Variants in SLC11A2 observed in about 807,000 individuals in gnomAD.
SLC11A2 encodes the protein solute carrier family 11 member 2, also known as natural resistance-associated macrophage protein 2.
SLC11A2 carries 38 observed loss-of-function variants against 68.0 expected under a neutral mutation model. That is an observed-to-expected ratio of 0.56 (90% CI 0.43 to 0.73). The LOEUF (loss-of-function observed/expected upper bound fraction) is 0.73. SLC11A2 is among the 30% of genes least tolerant of loss of function. SLC11A2 has a pLI of 0.00. For synonymous variants in SLC11A2, 242 were observed against 250.6 expected, an observed-to-expected ratio of 0.97 and a Z score of 0.32; for missense variants, 517 against 690.5, an observed-to-expected ratio of 0.75 and a Z score of 2.82.
chr12:51,006,103 G>A, intron 3 of SLC11A2: 1 of 190,884 alleles, frequency 5.2e-6, no homozygotes, highest in Non-Finnish European at 1.1e-5. Flanking sequence ...AGACCAGTCT[G>A]ACCAACACTT....
At chr12:51,011,418 G>A (rs1249172056) in intron 1 of SLC11A2, among the ~76,000 whole-genome samples, 1 of 151,486 alleles carries the variant, frequency 6.6e-6, no homozygotes, top group Non-Finnish European at 1.5e-5. Flanking sequence ...ATGAGCCAAC[G>A]CACCTGGCCA....
At chr12:51,010,559 G>A in intron 2 of SLC11A2, 136 bp downstream of exon 2, 2 of 564,438 alleles carry the variant, frequency 3.5e-6, no homozygotes, top group East Asian at 3.1e-5. Context: ...TAAGTCACCA[G>A]ATGGTGACTT....
chr12:51,027,606 T>C (rs1944443106), upstream of SLC11A2, among the ~76,000 whole-genome samples: 1 of 152,136 alleles, frequency 6.6e-6, no homozygotes, highest in African/African-American at 2.4e-5. Context: ...CCTCACACCG[T>C]ATCTTTTGCT....
chr12:50,998,489 C>T (rs184337803), intron 8 of SLC11A2, among the ~76,000 whole-genome samples: 201 of 152,294 alleles, frequency 1.3e-3, no homozygotes, highest in Admixed American at 1.6e-3. Context: ...GCCACTAGTA[C>T]GTGTGTAATG....
intron 1 of SLC11A2, among the ~76,000 whole-genome samples, chr12:51,012,720 T>C (rs1241698536): frequency 6.6e-6 from 1 of 152,218 alleles, no homozygotes; most frequent in Non-Finnish European, 1.5e-5. Flanking sequence ...CCTGCTAATT[T>C]GGAAAACATA....
intron 1 of SLC11A2, chr12:51,024,560 A>T (rs1241640973): frequency 6.5e-6 from 1 of 152,844 alleles, no homozygotes; most frequent in Non-Finnish European, 1.5e-5. Flanking sequence ...CTGAGGCAGG[A>T]GAATCGCTTG....
At chr12:51,005,561 A>G in intron 3 of SLC11A2, 125 bp from the exon 4 acceptor site, 1 of 1,529,534 alleles carries the variant, frequency 6.5e-7, no homozygotes, top group Non-Finnish European at 8.8e-7. Flanking sequence ...ACAATGTCAG[A>G]TATTGCATGT....
chr12:50,961,102 G>C, the SLC11A2 span: 17 of 1,613,650 alleles, frequency 1.1e-5, no homozygotes, highest in Non-Finnish European at 1.4e-5. Flanking sequence ...TGTGACTCTA[G>C]GTAACCCGCT....
the SLC11A2 span, among the ~76,000 whole-genome samples, chr12:50,964,212 T>C: frequency 2.0e-5 from 3 of 152,352 alleles, no homozygotes; most frequent in East Asian, 3.9e-4. Flanking sequence ...CACTCCTAAA[T>C]ATCACAGTCT....
the SLC11A2 span, chr12:50,961,078 T>C: frequency 6.2e-7 from 1 of 1,613,824 alleles, no homozygotes; most frequent in East Asian, 2.2e-5. Context: ...TGCCCAAGGA[T>C]TTGTTGTTGG....
intron 5 of SLC11A2, among the ~76,000 whole-genome samples, chr12:51,003,788 T>A (rs1942484655): frequency 6.6e-6 from 1 of 150,534 alleles, no homozygotes; most frequent in Non-Finnish European, 1.5e-5. Context: ...AAAAAAATTT[T>A]AATTAGCTGG....
rs2136163433 is a variant in SLC11A2 at position 50,988,048 on chromosome 12, T to A, written c.*277A>T. 7.2e-7 allele frequency: 1 copy of A among 1,393,678 alleles called. No homozygotes were observed. 86.3% of individuals were successfully genotyped at this position (1,393,678 alleles called of 1,614,324 possible). A position where few individuals can be genotyped will look rare whatever the true frequency, so the allele number is the denominator to read the frequency against. On this transcript the variant is annotated 3_prime_UTR_variant, in exon 16 of 16. Transcript: ENST00000262052. Reference sequence around the variant, plus strand: ...TGTCTCTCCGAAGGATAAACTGAGCTGGCCCTTGGGCAACTACTTAAGAAT... The same window carrying A: ...TGTCTCTCCGAAGGATAAACTGAGCAGGCCCTTGGGCAACTACTTAAGAAT...
rs17216030 is a variant in SLC11A2 at position 50,994,655 on chromosome 12, C to A, written c.991-25G>T. The A allele has an allele frequency of 1.8e-3, 2,710 of 1,470,928 alleles. 3 individuals carry two copies. Among genetic ancestry groups the A allele is most frequent in the South Asian group, 3.2e-3 (279 of 88,252 alleles). The allele number at this position is 1,470,928 out of a possible 1,614,324, so 91.1% of individuals were successfully genotyped here. On this transcript the variant is annotated intron_variant, in intron 10 of 15. Coordinates refer to ENST00000262052, the MANE Select transcript of SLC11A2 (RefSeq NM_000617.3). ...CCTAGAACCCAAAGCAATTCAACAG[C>A]AACTTTTGTTTCAGAAGCAAGGACC...
upstream of SLC11A2, among the ~76,000 whole-genome samples, chr12:51,027,920 G>T (rs546089596): frequency 2.1e-5 from 2 of 93,048 alleles, no homozygotes; most frequent in African/African-American, 3.3e-5. Context: ...AAAAAAGTGG[G>T]GGGGGGGGGC....
downstream of SLC11A2, among the ~76,000 whole-genome samples, chr12:50,976,001 T>C (rs935746717): frequency 2.6e-5 from 4 of 151,986 alleles, no homozygotes; most frequent in Admixed American, 6.6e-5. Flanking sequence ...CAATAATTAA[T>C]AGCTTACCAA....
the SLC11A2 span, among the ~76,000 whole-genome samples, chr12:50,961,785 C>T: frequency 3.0e-3 from 463 of 152,254 alleles, 1 homozygote; most frequent in Middle Eastern, 0.01. Flanking sequence ...CCCTTCATGA[C>T]GTGCAGAGTG....
At position 50,993,513 on chromosome 12, in the gene SLC11A2, C is replaced by T. The variant is rs542177700; in HGVS notation, c.1078-584G>A. On this transcript the variant is annotated intron_variant, in intron 11 of 15. Transcript: ENST00000262052. ...TTTGAGACAAGCCTAGGCAACATGGCAAATACCCTGACTCTACAAAAAAAA... is the reference window on the plus strand; with the variant it reads ...TTTGAGACAAGCCTAGGCAACATGGTAAATACCCTGACTCTACAAAAAAAA... 3.3e-5 allele frequency among the ~76,000 whole-genome samples: 5 copies of T among 151,548 alleles called. No homozygotes were observed. In the South Asian group the frequency reaches 1.0e-3, roughly 32 times the overall value.
At chr12:50,962,594 G>A in the SLC11A2 span, among the ~76,000 whole-genome samples, 1 of 152,110 alleles carries the variant, frequency 6.6e-6, no homozygotes, top group Non-Finnish European at 1.5e-5. Context: ...CTACTTGGGA[G>A]GCTGAGGCAA....
rs1293068694 is a variant in SLC11A2 at position 50,986,863 on chromosome 12, A to G, written c.*1462T>C. On this transcript the variant is annotated 3_prime_UTR_variant, in exon 16 of 16. Coordinates refer to ENST00000262052, the MANE Select transcript of SLC11A2 (RefSeq NM_000617.3). ...TCTGCGCTTTTGACTGTGTGCAAGT[A>G]TCAGTAATAATGCTTTTGGGGGCTC... 7.8e-7 allele frequency: 1 copy of G among 1,287,238 alleles called. No homozygotes were observed. Among genetic ancestry groups the G allele is most frequent in the East Asian group, 5.5e-5 (1 of 18,024 alleles). 79.7% of individuals were successfully genotyped at this position (1,287,238 alleles called of 1,614,324 possible).
Sources: allele counts gnomAD v4.1 joint callset (sites outside exome capture counted in the v4.1 genomes callset), GRCh38; gene constraint gnomAD v4.1.1; transcripts MANE v1.5; gene names NCBI Gene and HGNC (gene_info 2026-07-23, HGNC 2026-07-21).